Variants in MKLN1 observed in about 807,000 individuals in gnomAD.
MKLN1 encodes the protein muskelin.
Under a neutral mutation model 99.0 loss-of-function variants are expected in MKLN1, and 18 were observed. The observed-to-expected ratio is 0.18, with a 90% CI of 0.13 to 0.27. MKLN1 has a LOEUF of 0.27. Among genes scored for constraint, MKLN1 ranks in the 10% least tolerant of loss-of-function variants. The pLI is 1.00. For missense variants in MKLN1, 621 were observed against 875.9 expected (o/e 0.71, Z 3.67); for synonymous variants, 288 against 293.2 (o/e 0.98, Z 0.18).
intron 2 of MKLN1, among the ~76,000 whole-genome samples, chr7:131,143,393 G>C (rs1249589174): frequency 6.6e-6 from 1 of 152,096 alleles, no homozygotes; most frequent in African/African-American, 2.4e-5. Flanking sequence ...TTGAACCCAG[G>C]AGGCAGAAGT....
chr7:131,450,966 G>A (rs1796160493), intron 12 of MKLN1, among the ~76,000 whole-genome samples: 1 of 152,118 alleles, frequency 6.6e-6, no homozygotes, highest in South Asian at 2.1e-4. Context: ...CAGTACTCTA[G>A]ATCTCCTAAA....
intron 1 of MKLN1, among the ~76,000 whole-genome samples, chr7:131,138,564 T>A (rs1795685537): frequency 6.6e-6 from 1 of 152,216 alleles, no homozygotes. Flanking sequence ...GATGCCTTCT[T>A]TGAAAGACAA....
chr7:131,336,762 G>A (rs1216080106), intron 1 of MKLN1, among the ~76,000 whole-genome samples: 1 of 152,024 alleles, frequency 6.6e-6, no homozygotes. Flanking sequence ...TCATTGTCAT[G>A]CATTTCACGT....
intron 8 of MKLN1, among the ~76,000 whole-genome samples, chr7:131,420,748 C>G (rs1188003939): frequency 1.3e-5 from 2 of 152,132 alleles, no homozygotes; most frequent in Non-Finnish European, 2.9e-5. Context: ...AGCTTCCCAG[C>G]CCCCATGGAC....
intron 2 of MKLN1, among the ~76,000 whole-genome samples, chr7:131,192,303 ATATATAAAATATAATATATACAATATAT>A (rs1796573744): frequency 2.1e-5 from 2 of 94,640 alleles, no homozygotes; most frequent in African/African-American, 9.4e-5. Context: ...CAATATATAA[ATATATAAAATATAATATATACAATATAT>A]AAATATATAA....
intron 2 of MKLN1, among the ~76,000 whole-genome samples, chr7:131,378,607 A>G (rs1793738007): frequency 6.6e-6 from 1 of 152,144 alleles, no homozygotes; most frequent in African/African-American, 2.4e-5. Flanking sequence ...AGACGGGTGG[A>G]TCACTTGTGC....
At chr7:131,387,290 T>TGTC in intron 3 of MKLN1, 28 bp downstream of exon 3, 1 of 1,584,930 alleles carries the variant, frequency 6.3e-7, no homozygotes, top group Non-Finnish European at 8.6e-7. Context: ...TGAAGAGAGC[T>TGTC]GTCTTCTAAA....
intron 1 of MKLN1, among the ~76,000 whole-genome samples, chr7:131,120,548 C>CAAAAAAAAAAAAAAAAA (rs55945614): frequency 1.0e-5 from 1 of 98,128 alleles, no homozygotes; most frequent in African/African-American, 3.9e-5. Context: ...GACTCCCTCT[C>CAAAAAAAAAAAAAAAAA]AAAAAAAAAA....
At chr7:131,382,965 G>A (rs1008116749) in intron 2 of MKLN1, among the ~76,000 whole-genome samples, 3 of 152,010 alleles carry the variant, frequency 2.0e-5, no homozygotes, top group South Asian at 2.1e-4. Flanking sequence ...CCTCGTGATC[G>A]ACCCTCCTTG....
At chr7:131,452,544 CTTTTTTTTTTTT>C (rs1159344518) in intron 12 of MKLN1, among the ~76,000 whole-genome samples, 8 of 70,352 alleles carry the variant, frequency 1.1e-4, no homozygotes, top group Admixed American at 2.2e-4. Context: ...TCCTTTTATA[CTTTTTTTTTTTT>C]TTTTTTTTTT....
intron 2 of MKLN1, among the ~76,000 whole-genome samples, chr7:131,198,126 AAGGC>A (rs1229457140): frequency 6.6e-6 from 1 of 152,220 alleles, no homozygotes; most frequent in African/African-American, 2.4e-5. Flanking sequence ...TCACACCACA[AAGGC>A]CAGGCCCTGA....
intron 3 of MKLN1, among the ~76,000 whole-genome samples, chr7:131,228,449 T>C (rs1797190193): frequency 1.3e-5 from 2 of 152,188 alleles, no homozygotes; most frequent in Admixed American, 1.3e-4. Context: ...AAAATAGCTC[T>C]TGGGAGGAAT....
Position 131,387,150 on chromosome 7 carries a change from A to G in MKLN1, c.199A>G (p.Ile67Val), listed in dbSNP as rs774516335. ...GATTCTAAAGCTCGAAAGGCCTGCTATAGTTCAGAATATCACATTTGGAAA... is the reference window on the plus strand; with the variant it reads ...GATTCTAAAGCTCGAAAGGCCTGCTGTAGTTCAGAATATCACATTTGGAAA... The part of the protein sequence containing the change: ...YLILKLERPA[I>V]VQNITFGKYE... The change falls in exon 3 of 18, where the codon ATA becomes GTA. Residue 67 changes from isoleucine (I) to valine (V), a missense_variant. This residue lies in a region of MKLN1 where 27 missense variants were observed against 19.7 expected (regional missense o/e 1.37). Transcript: ENST00000352689. 3.3e-5 allele frequency: 53 copies of G among 1,610,932 alleles called. No individual in the cohort carries two copies. Among genetic ancestry groups the G allele is most frequent in the Admixed American group, 1.8e-4 (11 of 59,560 alleles).
At chr7:131,470,707 C>T (rs2116641418) in intron 15 of MKLN1, 135 bp from the exon 16 acceptor site, 1 of 644,794 alleles carries the variant, frequency 1.6e-6, no homozygotes, top group East Asian at 3.0e-5. Flanking sequence ...ATTCTGGATT[C>T]CTAAACTGAC....
intron 12 of MKLN1, among the ~76,000 whole-genome samples, chr7:131,448,666 A>G (rs1244439463): frequency 1.3e-5 from 2 of 152,210 alleles, no homozygotes; most frequent in East Asian, 1.9e-4. Flanking sequence ...GGTTTTATTA[A>G]TGTGAACTGG....
intron 2 of MKLN1, among the ~76,000 whole-genome samples, chr7:131,172,372 G>A (rs1796228384): frequency 6.6e-6 from 1 of 151,660 alleles, no homozygotes; most frequent in Admixed American, 6.6e-5. Flanking sequence ...CTCGAGTGCA[G>A]TGGCGTGATC....
At chr7:131,435,119 TTG>T (rs958817453) in intron 9 of MKLN1, among the ~76,000 whole-genome samples, 3 of 152,276 alleles carry the variant, frequency 2.0e-5, no homozygotes, top group Middle Eastern at 3.4e-3. Context: ...ATTGATGTAA[TTG>T]TGTTTTTTCT....
rs1271199922 is a variant in MKLN1 at position 131,273,863 on chromosome 7, C to A, written c.-179+70889C>A. ...GCTTCAAGTGATCCTGCCTCGGCCT[C>A]TCAAAGTGCTGGGATTATAGGTGTG... On this transcript the variant is annotated intron_variant, in intron 3 of 7. Coordinates refer to the MKLN1 transcript ENST00000416992. 2.0e-5 allele frequency among the ~76,000 whole-genome samples: 3 copies of A among 152,244 alleles called. No homozygotes were observed. In the East Asian group the frequency reaches 5.8e-4, roughly 29 times the overall value.
intron 3 of MKLN1, among the ~76,000 whole-genome samples, chr7:131,207,268 G>T (rs1796827570): frequency 6.6e-6 from 1 of 152,128 alleles, no homozygotes; most frequent in Admixed American, 6.6e-5. Flanking sequence ...GTGCAGTGGT[G>T]TGATTTGCAG....
Sources: gnomAD v4.1 joint callset for allele counts (sites outside exome capture counted in the v4.1 genomes callset) on GRCh38, gnomAD v4.1.1 for gene constraint, gnomAD v4.1.1 regional missense constraint, MANE v1.5 for transcripts, NCBI Gene and HGNC (gene_info 2026-07-23, HGNC 2026-07-21) for gene names.